The following CNTN1 variants were observed in gnomAD, a reference collection of about 807,000 sequenced individuals.
The protein encoded by CNTN1 is contactin-1.
In CNTN1, 38 loss-of-function variants were observed where a neutral mutation model predicts 126.4. The observed-to-expected ratio is 0.30, with a 90% CI of 0.23 to 0.39. CNTN1 has a LOEUF of 0.39. Ranked by LOEUF, CNTN1 falls within the 10% of genes least tolerant of loss-of-function variation. The pLI, the probability that CNTN1 is intolerant of heterozygous loss-of-function variation, is 1.00. For missense variants in CNTN1, 1,009 were observed against 1,248.4 expected (o/e 0.81, Z 2.89); for synonymous variants, 413 against 422.6 (o/e 0.98, Z 0.28).
At chr12:40,851,051 G>T (rs981555681) in intron 1 of CNTN1, among the ~76,000 whole-genome samples, 5 of 152,150 alleles carry the variant, frequency 3.3e-5, no homozygotes, top group African/African-American at 1.2e-4. Context: ...AAGTATTCCT[G>T]CTGGGATTCT....
intron 1 of CNTN1, among the ~76,000 whole-genome samples, chr12:40,696,213 C>G (rs1591981692): frequency 6.6e-6 from 1 of 152,184 alleles, no homozygotes; most frequent in Non-Finnish European, 1.5e-5. Context: ...TGCTTTTTCC[C>G]CATCAATAGG....
At chr12:40,991,596 A>G (rs1227183356) in intron 16 of CNTN1, among the ~76,000 whole-genome samples, 3 of 152,140 alleles carry the variant, frequency 2.0e-5, no homozygotes, top group Non-Finnish European at 4.4e-5. Flanking sequence ...TTGGGAGGCC[A>G]AGGTGGGTGG....
chr12:40,946,544 C>A (rs937120646), intron 14 of CNTN1, among the ~76,000 whole-genome samples: 1 of 151,892 alleles, frequency 6.6e-6, no homozygotes, highest in Non-Finnish European at 1.5e-5. Context: ...CCAATGATAC[C>A]CCAAGAGTTT....
chr12:40,860,234 A>T (rs1943068965), intron 1 of CNTN1, among the ~76,000 whole-genome samples: 1 of 152,130 alleles, frequency 6.6e-6, no homozygotes, highest in Non-Finnish European at 1.5e-5. Flanking sequence ...CTGTTCTCAA[A>T]TAGTTTGTGA....
intron 1 of CNTN1, among the ~76,000 whole-genome samples, chr12:40,900,895 G>C (rs1944578484): frequency 6.6e-6 from 1 of 152,188 alleles, no homozygotes; most frequent in South Asian, 2.1e-4. Flanking sequence ...GAGTTGCAAA[G>C]GATGAGGGGA....
chr12:40,905,722 C>T (rs1212778023), intron 1 of CNTN1, among the ~76,000 whole-genome samples: 1 of 152,028 alleles, frequency 6.6e-6, no homozygotes, highest in Non-Finnish European at 1.5e-5. Flanking sequence ...TATGTGTTTG[C>T]TTTTTCTAAC....
At chr12:40,717,662 A>G (rs889479704) in intron 1 of CNTN1, among the ~76,000 whole-genome samples, 9 of 152,232 alleles carry the variant, frequency 5.9e-5, no homozygotes, top group Admixed American at 4.6e-4. Flanking sequence ...CATCATGAGG[A>G]AAGTCATTTC....
intron 1 of CNTN1, among the ~76,000 whole-genome samples, chr12:40,755,836 T>G (rs749391428): frequency 3.9e-5 from 6 of 152,062 alleles, no homozygotes; most frequent in Non-Finnish European, 7.4e-5. Flanking sequence ...TATTATATGG[T>G]ACTTGCCTAG....
chr12:40,748,960 G>A (rs1024267519), intron 1 of CNTN1, among the ~76,000 whole-genome samples: 1 of 152,028 alleles, frequency 6.6e-6, no homozygotes, highest in African/African-American at 2.4e-5. Context: ...TGCTAGACTT[G>A]AAAACAGACA....
Position 40,991,654 on chromosome 12 carries a change from G to C in CNTN1, c.1964-1466G>C, listed in dbSNP as rs1309612239. 3.3e-5 allele frequency among the ~76,000 whole-genome samples: 5 copies of C among 152,106 alleles called. No individual in the cohort carries two copies. In the East Asian group the frequency reaches 5.8e-4, roughly 18 times the overall value. Reference sequence around the variant, plus strand: ...ACCATCCTGGCTAACACGGTGAAATGCCGTCTCTACTACAAATACAAAAAT... The same window carrying C: ...ACCATCCTGGCTAACACGGTGAAATCCCGTCTCTACTACAAATACAAAAAT... On this transcript the variant is annotated intron_variant, in intron 16 of 23. Coordinates refer to ENST00000551295, the MANE Select transcript of CNTN1 (RefSeq NM_001843.4).
chr12:40,800,508 T>C (rs115210795), intron 1 of CNTN1, among the ~76,000 whole-genome samples: 2,334 of 152,082 alleles, frequency 0.015, 59 homozygotes, highest in African/African-American at 0.054. Context: ...TATTTTCTAC[T>C]GTTAAGCAAT....
At chr12:40,980,393 A>G (rs1444293393) in intron 15 of CNTN1, among the ~76,000 whole-genome samples, 1 of 149,786 alleles carries the variant, frequency 6.7e-6, no homozygotes, top group Non-Finnish European at 1.5e-5. Flanking sequence ...GGCTGCAGTG[A>G]GCCATGATCA....
intron 1 of CNTN1, among the ~76,000 whole-genome samples, chr12:40,786,845 C>T (rs1015148042): frequency 1.3e-5 from 2 of 152,250 alleles, no homozygotes; most frequent in Non-Finnish European, 2.9e-5. Context: ...TCAATACCTT[C>T]CATGTCACTC....
chr12:40,756,160 T>A (rs1278209961), intron 1 of CNTN1, among the ~76,000 whole-genome samples: 1 of 152,040 alleles, frequency 6.6e-6, no homozygotes. Flanking sequence ...TTGTAATGTG[T>A]CATGAAATTT....
chr12:40,952,123 A>G (rs1353027100), intron 14 of CNTN1, among the ~76,000 whole-genome samples: 1 of 62,422 alleles, frequency 1.6e-5, no homozygotes, highest in Non-Finnish European at 2.7e-5. Context: ...TCTACTTACC[A>G]AACACTAAAT....
At chr12:41,007,275 T>G (rs1007422938) in intron 17 of CNTN1, among the ~76,000 whole-genome samples, 1 of 151,928 alleles carries the variant, frequency 6.6e-6, no homozygotes, top group Admixed American at 6.6e-5. Flanking sequence ...TTAGCCGGGA[T>G]GGTCTTGATC....
At chr12:40,868,668 T>A (rs1421186019) in intron 1 of CNTN1, among the ~76,000 whole-genome samples, 3 of 152,152 alleles carry the variant, frequency 2.0e-5, no homozygotes, top group African/African-American at 7.2e-5. Flanking sequence ...CTGCTCCCTC[T>A]GGGTGATAGG....
At position 41,041,355 on chromosome 12, in the gene CNTN1, A is replaced by G. The variant is rs182218302; in HGVS notation, c.2980+12136A>G. Among the ~76,000 whole-genome samples the G allele has an allele frequency of 1.4e-4, 21 of 152,260 alleles. No homozygotes were observed. In the East Asian group the frequency reaches 3.3e-3, roughly 24 times the overall value. On this transcript the variant is annotated intron_variant, in intron 23 of 23. Coordinates refer to ENST00000551295, the MANE Select transcript of CNTN1 (RefSeq NM_001843.4). ...AGGATTTTTGCATCAATGTTCATCA[A>G]GGATATTGGTCTAAAATTTTCTTTT...
chr12:40,836,068 G>GTATATATACGTACATATACAGGTA (rs200598884), intron 1 of CNTN1, among the ~76,000 whole-genome samples: 1 of 146,220 alleles, frequency 6.8e-6, no homozygotes, highest in Non-Finnish European at 1.5e-5. Context: ...GTATACAGGT[G>GTATATATACGTACATATACAGGTA]TATATATACG....
Sources: gnomAD v4.1 joint callset for allele counts (sites outside exome capture counted in the v4.1 genomes callset) on GRCh38, gnomAD v4.1.1 for gene constraint, MANE v1.5 for transcripts, NCBI Gene and HGNC (gene_info 2026-07-23, HGNC 2026-07-21) for gene names.